ZMYM1: variants seen among roughly 807,000 people sequenced by gnomAD.
ZMYM1 encodes the protein zinc finger MYM-type protein 1.
In ZMYM1, 39 loss-of-function variants were observed where a neutral mutation model predicts 60.0. The ratio of observed to expected loss-of-function variants is 0.65; its 90% confidence interval spans 0.50 to 0.85. The LOEUF (loss-of-function observed/expected upper bound fraction) is 0.85, where lower values mean the gene tolerates loss of function less well. Among genes scored for constraint, ZMYM1 ranks in the 40% least tolerant of loss-of-function variants. The pLI is 0.00. For missense variants in ZMYM1, 1,171 were observed against 1,309.5 expected, an observed-to-expected ratio of 0.89 and a Z score of 1.63; for synonymous variants, 413 against 454.0, an observed-to-expected ratio of 0.91 and a Z score of 1.15.
In ZMYM1 at chr1:35,113,247, G is replaced by T. The variant is rs762267433; in HGVS notation, c.1417G>T (p.Asp473Tyr). 2.5e-6 allele frequency: 4 copies of T among 1,613,082 alleles called. No individual in the cohort carries two copies. The highest frequency in any genetic ancestry group is 3.3e-5 in the Admixed American group (2 of 59,978). ...DFECLENSKK[D>Y]VAFCYSCQLF... ...TGAGTGTTTGGAAAACAGTAAAAAA[G>T]ATGTGGCATTCTGTTATTCATGCCA... The change falls in exon 10 of 10, where the codon GAT becomes TAT. Residue 473 changes from aspartate to tyrosine, a missense_variant. Physicochemically the swap from Asp to Tyr is radical, Grantham distance 160 (BLOSUM62 -3). Coordinates refer to ENST00000359858, the MANE Select transcript of ZMYM1 (RefSeq NM_024772.5).
intron 1 of ZMYM1, among the ~76,000 whole-genome samples, chr1:35,061,357 G>A (rs1641872612): frequency 1.3e-5 from 2 of 152,236 alleles, no homozygotes; most frequent in Non-Finnish European, 1.5e-5. Context: ...AGAATATTAG[G>A]GGATTTTGTT....
chr1:35,063,025 C>T (rs1641903077), intron 1 of ZMYM1, among the ~76,000 whole-genome samples: 1 of 152,154 alleles, frequency 6.6e-6, no homozygotes, highest in Non-Finnish European at 1.5e-5. Context: ...AGCTCTCCTC[C>T]AGGCAGTGAC....
intron 6 of ZMYM1, among the ~76,000 whole-genome samples, chr1:35,107,450 C>T (rs1643930730): frequency 6.8e-6 from 1 of 147,564 alleles, no homozygotes; most frequent in Non-Finnish European, 1.5e-5. Context: ...GCCTGGGCGA[C>T]AGAGCGAGAC....
chr1:35,115,399 C>CA lies in ZMYM1; in HGVS notation c.*145dup. On this transcript the variant is annotated 3_prime_UTR_variant, in exon 10 of 10. Transcript: ENST00000359858. ...TCCTTTAGAACTCATTTTCTCTTCC[C>CA]AAAAAGTGTTATCTTTTCCTTAAAT... 9.7e-7 allele frequency: 1 copy of CA among 1,036,044 alleles called. No individual in the cohort carries two copies. Among genetic ancestry groups the CA allele is most frequent in the Non-Finnish European group, 1.3e-6 (1 of 746,266 alleles). The allele number at this position is 1,036,044 out of a possible 1,614,324, so 64.2% of individuals were successfully genotyped here.
chr1:35,068,541 T>G (rs1642014646), intron 1 of ZMYM1, among the ~76,000 whole-genome samples: 1 of 150,706 alleles, frequency 6.6e-6, no homozygotes, highest in South Asian at 2.1e-4. Context: ...TGCAGACGAA[T>G]ATGGCCAATT....
At chr1:35,061,576 A>T (rs1641875882) in intron 1 of ZMYM1, among the ~76,000 whole-genome samples, 2 of 151,870 alleles carry the variant, frequency 1.3e-5, no homozygotes, top group Admixed American at 1.3e-4. Context: ...GGAGATCAAG[A>T]CCATCCTGGC....
At position 35,093,004 on chromosome 1, in the gene ZMYM1, G is replaced by C. The variant is rs1406180477; in HGVS notation, c.-74-910G>C. On this transcript the variant is annotated intron_variant, in intron 1 of 9. Coordinates refer to ENST00000359858, the MANE Select transcript of ZMYM1 (RefSeq NM_024772.5). Reference sequence around the variant, plus strand: ...AGTACTGGGGAATTGTGTTTTTGTGGAACACAAACATTTTAGAAGCAGGTA... The same window carrying C: ...AGTACTGGGGAATTGTGTTTTTGTGCAACACAAACATTTTAGAAGCAGGTA... Among the ~76,000 whole-genome samples the C allele has an allele frequency of 5.9e-5, 9 of 152,116 alleles. No individual in the cohort carries two copies. The South Asian group carries it at 8.3e-4, about 14-fold the overall frequency.
intron 1 of ZMYM1, among the ~76,000 whole-genome samples, chr1:35,088,165 A>C (rs1642758308): frequency 1.3e-5 from 2 of 151,958 alleles, no homozygotes; most frequent in Admixed American, 1.3e-4. Context: ...CACACCTGTA[A>C]TCCCAACACT....
chr1:35,089,193 A>G (rs76473785), intron 1 of ZMYM1, among the ~76,000 whole-genome samples: 4,722 of 152,180 alleles, frequency 0.031, 255 homozygotes, highest in African/African-American at 0.1. Flanking sequence ...GTTTTGTTTT[A>G]TCTTACGAAT....
intron 1 of ZMYM1, among the ~76,000 whole-genome samples, chr1:35,079,737 C>G (rs1569859095): frequency 2.0e-5 from 3 of 152,222 alleles, no homozygotes; most frequent in African/African-American, 7.2e-5. Flanking sequence ...GGCCTTCAGA[C>G]TTTAGTCTCG....
chr1:35,112,552 ATATAT>A (rs1435701862), intron 9 of ZMYM1, among the ~76,000 whole-genome samples: 2 of 110,304 alleles, frequency 1.8e-5, no homozygotes, highest in African/African-American at 6.9e-5. Context: ...ATATATTATA[ATATAT>A]TGTATATAAT....
intron 1 of ZMYM1, among the ~76,000 whole-genome samples, chr1:35,088,805 C>CTTTT (rs375136566): frequency 5.9e-4 from 70 of 119,598 alleles, no homozygotes; most frequent in Non-Finnish European, 7.0e-4. Context: ...GGATGCTTTC[C>CTTTT]TTTTTTTTTT....
chr1:35,095,389 G>T (rs139477201), intron 2 of ZMYM1, among the ~76,000 whole-genome samples: 2 of 151,502 alleles, frequency 1.3e-5, no homozygotes, highest in Middle Eastern at 3.4e-3. Context: ...AGCTACTTGG[G>T]AGGCTGAGGC....
At chr1:35,085,508 G>C (rs1642607676) in intron 1 of ZMYM1, among the ~76,000 whole-genome samples, 1 of 152,156 alleles carries the variant, frequency 6.6e-6, no homozygotes, top group Non-Finnish European at 1.5e-5. Context: ...TCTTTGCCTT[G>C]ACATCTGTCT....
chr1:35,064,682 ATTTC>A (rs1343967693), intron 1 of ZMYM1, among the ~76,000 whole-genome samples: 1 of 143,194 alleles, frequency 7.0e-6, no homozygotes, highest in Admixed American at 7.0e-5. Context: ...TAAACAATAT[ATTTC>A]TTTTTTTTTT....
chr1:35,094,395 A>G (rs1356520840), intron 2 of ZMYM1, among the ~76,000 whole-genome samples: 2 of 152,132 alleles, frequency 1.3e-5, no homozygotes, highest in Non-Finnish European at 2.9e-5. Flanking sequence ...AGGTTAACAC[A>G]TTTTGTTTTT....
At chr1:35,074,185 A>G (rs1642125101) in intron 1 of ZMYM1, among the ~76,000 whole-genome samples, 1 of 152,118 alleles carries the variant, frequency 6.6e-6, no homozygotes, top group Non-Finnish European at 1.5e-5. Context: ...AGATTTCTGA[A>G]GTTTTTCTTA....
intron 7 of ZMYM1, among the ~76,000 whole-genome samples, chr1:35,111,157 A>G (rs1644073095): frequency 1.3e-5 from 2 of 152,164 alleles, no homozygotes; most frequent in Non-Finnish European, 2.9e-5. Flanking sequence ...TTTTCATTAC[A>G]TTTTTCACAT....
At chr1:35,108,756 G>A (rs1011000640) in intron 6 of ZMYM1, among the ~76,000 whole-genome samples, 1 of 149,844 alleles carries the variant, frequency 6.7e-6, no homozygotes, top group East Asian at 1.9e-4. Flanking sequence ...CCAGGATGGA[G>A]GCTGGAGTGC....
Sources: allele counts gnomAD v4.1 joint callset (sites outside exome capture counted in the v4.1 genomes callset), GRCh38; gene constraint gnomAD v4.1.1; transcripts MANE v1.5; gene names NCBI Gene and HGNC (gene_info 2026-07-23, HGNC 2026-07-21).